The following RASEF variants were observed in gnomAD, a reference collection of about 807,000 sequenced individuals.
RASEF encodes the protein ras and EF-hand domain-containing protein.
Under a neutral mutation model 90.1 loss-of-function variants are expected in RASEF, and 68 were observed. That is an observed-to-expected ratio of 0.75 (90% confidence interval 0.62 to 0.92). RASEF has a LOEUF of 0.92. RASEF is among the 40% of genes least tolerant of loss of function. RASEF has a pLI of 0.00. For missense variants in RASEF, 949 were observed against 937.2 expected, an observed-to-expected ratio of 1.01 and a Z score of -0.16; for synonymous variants, 331 against 345.2, an observed-to-expected ratio of 0.96 and a Z score of 0.46.
the RASEF span, among the ~76,000 whole-genome samples, chr9:83,217,202 C>G: frequency 6.6e-6 from 1 of 152,120 alleles, no homozygotes. Flanking sequence ...CTTTTACCCC[C>G]CATTGTATCT....
At chr9:83,055,043 C>T (rs886178622) in intron 1 of RASEF, 2 of 147,408 alleles carry the variant, frequency 1.4e-5, no homozygotes, top group Middle Eastern at 3.4e-3. Flanking sequence ...CAGAGGCAGG[C>T]AGGCCTCCTT....
the RASEF span, among the ~76,000 whole-genome samples, chr9:83,126,568 T>C: frequency 6.6e-6 from 1 of 152,196 alleles, no homozygotes; most frequent in Admixed American, 6.5e-5. Flanking sequence ...GCCTCAGATA[T>C]AGATCTTGAT....
intron 1 of RASEF, chr9:83,049,365 C>T (rs574204843): frequency 3.7e-5 from 36 of 983,738 alleles, no homozygotes; most frequent in East Asian, 1.1e-4. Context: ...AATGTCCGTG[C>T]GGGACTGGCT....
At chr9:82,984,573 G>C (rs1430603712) in intron 16 of RASEF, among the ~76,000 whole-genome samples, 2 of 152,214 alleles carry the variant, frequency 1.3e-5, no homozygotes, top group African/African-American at 4.8e-5. Context: ...TGGGTGAGTA[G>C]TACTATCCTC....
rs1587533305 is a variant in RASEF, at chr9:83,063,084, C to T, written c.-217G>A. 2.0e-6 allele frequency: 1 copy of T among 505,774 alleles called. No individual in the cohort carries two copies. The highest frequency in any genetic ancestry group is 3.6e-5 in the East Asian group (1 of 27,974). 31.3% of individuals were successfully genotyped at this position (505,774 alleles called of 1,614,324 possible). ...GGTTCGGGCCAGCCCCCAACAGGTC[C>T]CGGGAGCGGTGGGGTGCGCCCGGGC... On this transcript the variant is annotated 5_prime_UTR_variant, in exon 1 of 17. Transcript: ENST00000376447.
chr9:83,078,224 A>C, the RASEF span, among the ~76,000 whole-genome samples: 1 of 152,206 alleles, frequency 6.6e-6, no homozygotes, highest in African/African-American at 2.4e-5. Context: ...AATGGTTTGC[A>C]GCTGTCAAAG....
intron 9 of RASEF, among the ~76,000 whole-genome samples, chr9:83,001,823 G>A (rs773628881): frequency 9.2e-5 from 14 of 152,182 alleles, no homozygotes; most frequent in Non-Finnish European, 1.3e-4. Context: ...AACATGACTG[G>A]AATGTATGAT....
At chr9:82,994,162 G>C (rs887987810) in intron 14 of RASEF, among the ~76,000 whole-genome samples, 7 of 152,112 alleles carry the variant, frequency 4.6e-5, no homozygotes, top group African/African-American at 9.7e-5. Flanking sequence ...TGGACTGAAG[G>C]CTCCAGAGTG....
At chr9:83,127,608 G>A in the RASEF span, among the ~76,000 whole-genome samples, 1 of 152,110 alleles carries the variant, frequency 6.6e-6, no homozygotes, top group Non-Finnish European at 1.5e-5. Context: ...AGAAATGGCG[G>A]GAACAAAAAC....
At position 82,982,452 on chromosome 9, in the gene RASEF, GGACAT is replaced by G; in HGVS notation, c.*220_*224del. 5 of 418,206 alleles carry G rather than the reference GGACAT, an allele frequency of 1.2e-5. No individual in the cohort carries two copies. In the South Asian group the frequency reaches 1.9e-4, roughly 16 times the overall value. The allele number at this position is 418,206 out of a possible 1,614,324, so 25.9% of individuals were successfully genotyped here. A position where few individuals can be genotyped will look rare whatever the true frequency, so the allele number is the denominator to read the frequency against. On this transcript the variant is annotated 3_prime_UTR_variant, in exon 17 of 17. Coordinates refer to ENST00000376447, the MANE Select transcript of RASEF (RefSeq NM_152573.4). ...ACATGTTATCTTTTAAGACCTGTAAGGACATGACTAGTCTATTTAGCCAGAGGGCC... is the reference window on the plus strand; with the variant it reads ...ACATGTTATCTTTTAAGACCTGTAAGGACTAGTCTATTTAGCCAGAGGGCC...
rs532250041 is a variant in RASEF, at chr9:83,055,406, C to T, written c.431+7031G>A. On this transcript the variant is annotated intron_variant, in intron 1 of 16. Coordinates refer to ENST00000376447, the MANE Select transcript of RASEF (RefSeq NM_152573.4). ...CAATGCCTCGCCCTGCTTCGGCTCGCGCACGGTGCGCGCACACACTGGCCT... is the reference window on the plus strand; with the variant it reads ...CAATGCCTCGCCCTGCTTCGGCTCGTGCACGGTGCGCGCACACACTGGCCT... 1,050 of 536,380 alleles carry T rather than the reference C, an allele frequency of 2.0e-3. 5 individuals carry two copies. The highest frequency in any genetic ancestry group is 2.5e-3 in the Non-Finnish European group (747 of 296,186). 33.2% of individuals were successfully genotyped at this position (536,380 alleles called of 1,614,324 possible). A position where few individuals can be genotyped will look rare whatever the true frequency, so the allele number is the denominator to read the frequency against.
At chr9:83,077,172 G>T in the RASEF span, among the ~76,000 whole-genome samples, 311 of 152,274 alleles carry the variant, frequency 2.0e-3, no homozygotes, top group African/African-American at 7.0e-3. Flanking sequence ...CCAGTACACA[G>T]CCAATGTCAG....
the RASEF span, among the ~76,000 whole-genome samples, chr9:83,097,091 A>G: frequency 6.6e-6 from 1 of 152,188 alleles, no homozygotes; most frequent in East Asian, 1.9e-4. Flanking sequence ...CGCAATAAAC[A>G]TACGTGTGCA....
chr9:83,135,979 G>A, the RASEF span, among the ~76,000 whole-genome samples: 1 of 151,990 alleles, frequency 6.6e-6, no homozygotes, highest in South Asian at 2.1e-4. Flanking sequence ...GAGAACAACT[G>A]CTTTACTAGG....
At chr9:83,087,405 T>TTCATTCTCTCTC in the RASEF span, among the ~76,000 whole-genome samples, 2 of 115,604 alleles carry the variant, frequency 1.7e-5, no homozygotes, top group African/African-American at 6.7e-5. Context: ...TTCTCATTCA[T>TTCATTCTCTCTC]TCTCTCTCTC....
the RASEF span, among the ~76,000 whole-genome samples, chr9:83,112,349 C>T: frequency 1.3e-5 from 2 of 152,068 alleles, no homozygotes; most frequent in Non-Finnish European, 2.9e-5. Context: ...TACAAATATC[C>T]GTTAGTGAAT....
In RASEF at chr9:82,980,388, C is replaced by T. The variant is rs1370753709; in HGVS notation, c.*2289G>A. 1 of 152,142 alleles carries T rather than the reference C, an allele frequency of 6.6e-6. No individual in the cohort carries two copies. The highest frequency in any genetic ancestry group is 2.4e-5 in the African/African-American group (1 of 41,428). 9.4% of individuals were successfully genotyped at this position (152,142 alleles called of 1,614,324 possible). On this transcript the variant is annotated 3_prime_UTR_variant, in exon 17 of 17. Coordinates refer to ENST00000376447, the MANE Select transcript of RASEF (RefSeq NM_152573.4). Reference sequence around the variant, plus strand: ...ATGATTGCTAACCAGAGCTCTAAGTCTCTAATTTGGATTATGTTACCAAAA... The same window carrying T: ...ATGATTGCTAACCAGAGCTCTAAGTTTCTAATTTGGATTATGTTACCAAAA...
chr9:83,106,169 C>A, the RASEF span, among the ~76,000 whole-genome samples: 3 of 152,186 alleles, frequency 2.0e-5, no homozygotes, highest in Non-Finnish European at 4.4e-5. Context: ...AATGCTGCTC[C>A]ATACACTAAT....
chr9:82,998,214 A>G, intron 13 of RASEF, 151 bp downstream of exon 13: 1 of 507,586 alleles, frequency 2.0e-6, no homozygotes, highest in Non-Finnish European at 3.5e-6. Context: ...TTTTAAAGTT[A>G]TAATACATTT....
Sources: gnomAD v4.1 joint callset for allele counts (sites outside exome capture counted in the v4.1 genomes callset) on GRCh38, gnomAD v4.1.1 for gene constraint, MANE v1.5 for transcripts, NCBI Gene and HGNC (gene_info 2026-07-23, HGNC 2026-07-21) for gene names.